Variants in ALMS1 observed in about 807,000 individuals in gnomAD.
ALMS1 encodes the protein centrosome-associated protein ALMS1.
A neutral mutation model predicts 352.2 loss-of-function variants in ALMS1; 271 were observed. The observed-to-expected ratio is 0.77, with a 90% CI of 0.70 to 0.85. ALMS1 has a LOEUF of 0.85. Among genes scored for constraint, ALMS1 ranks in the 40% least tolerant of loss-of-function variants. ALMS1 has a pLI of 0.00. For synonymous variants in ALMS1, 1,865 were observed against 1,761.2 expected (o/e 1.06, Z -1.48); for missense variants, 5,445 against 4,870.7 (o/e 1.12, Z -3.51).
At chr2:73,386,767 T>C (rs1448663780) in intron 1 of ALMS1, among the ~76,000 whole-genome samples, 2 of 152,114 alleles carry the variant, frequency 1.3e-5, no homozygotes, top group Non-Finnish European at 2.9e-5. Flanking sequence ...CTCCAAACAG[T>C]CTGCAAAACT....
chr2:73,386,151 C>A lies in ALMS1; in HGVS notation c.283C>A (p.Gln95Lys), dbSNP rs750326619. The change falls in exon 1 of 23, where the codon CAG (glutamine) becomes AAG (lysine). Residue 95 changes from glutamine to lysine, a missense_variant. Coordinates refer to ENST00000613296, the MANE Select transcript of ALMS1 (RefSeq NM_001378454.1). ...GATTTTGCCTCCGCTGTCGCCCCCG[C>A]AGCACCGCTACTCGGAGGGCGAGCG... ...GRILPPLSPP[Q>K]HRYSEGERTS... 1.9e-6 allele frequency: 3 copies of A among 1,556,168 alleles called. No homozygotes were observed. The Admixed American group carries it at 5.8e-5, about 30-fold the overall frequency.
At chr2:73,413,196 G>T in intron 2 of ALMS1, among the ~76,000 whole-genome samples, 1 of 151,712 alleles carries the variant, frequency 6.6e-6, no homozygotes, top group African/African-American at 2.4e-5. Flanking sequence ...TTGAGCTTTG[G>T]GAGTTCTTCA....
chr2:73,459,115 G>T (rs1019625824), intron 9 of ALMS1: 39 of 151,812 alleles, frequency 2.6e-4, no homozygotes, highest in African/African-American at 9.4e-4. Flanking sequence ...TTTCTTTCAT[G>T]ACTGACATTT....
intron 16 of ALMS1, among the ~76,000 whole-genome samples, chr2:73,595,019 A>T (rs1195738477): frequency 1.3e-5 from 2 of 152,166 alleles, no homozygotes; most frequent in East Asian, 1.9e-4. Context: ...AACGTATGTT[A>T]TTCCTTTTGA....
intron 1 of ALMS1, among the ~76,000 whole-genome samples, chr2:73,405,865 C>G (rs1670962133): frequency 1.3e-5 from 2 of 152,034 alleles, no homozygotes; most frequent in African/African-American, 4.8e-5. Flanking sequence ...CTTGATTTTC[C>G]ACTTTTCTTT....
At chr2:73,487,476 A>T (rs1366156259) in intron 9 of ALMS1, among the ~76,000 whole-genome samples, 1 of 152,096 alleles carries the variant, frequency 6.6e-6, no homozygotes, top group East Asian at 1.9e-4. Flanking sequence ...CTTGGAAGAC[A>T]CCAGGAACCA....
At chr2:73,599,612 A>G (rs1336460600) in intron 17 of ALMS1, 91 bp downstream of exon 17, 2 of 1,452,942 alleles carry the variant, frequency 1.4e-6, no homozygotes, top group African/African-American at 1.4e-5. Flanking sequence ...AATAAAGGAC[A>G]TGAAGATAAA....
chr2:73,452,681 G>T lies in ALMS1; in HGVS notation c.6154G>T (p.Val2052Leu), dbSNP rs1432557598. The change falls in exon 8 of 23, where the codon GTA (valine) becomes TTA (leucine). Residue 2052 changes from valine (V) to leucine (L), a missense_variant. Val to Leu is a conservative substitution (Grantham distance 32). Transcript: ENST00000613296. ...TTTTCATAGTTCCTATTCTCAAACA[G>T]TAAAGCCCAATATTTTATTTCAACA... is the stretch of plus-strand genomic sequence containing the variant. ...TAFHSSYSQTVKPNILFQQQL... is the reference protein window; with the variant it reads ...TAFHSSYSQTLKPNILFQQQL... 1 of 1,613,870 alleles carries T rather than the reference G, an allele frequency of 6.2e-7. No homozygotes were observed. Among genetic ancestry groups the T allele is most frequent in the Non-Finnish European group, 8.5e-7 (1 of 1,179,986 alleles).
At chr2:73,514,654 T>G (rs1263264947) in intron 10 of ALMS1, among the ~76,000 whole-genome samples, 1 of 152,190 alleles carries the variant, frequency 6.6e-6, no homozygotes, top group Non-Finnish European at 1.5e-5. Context: ...ACACACATCC[T>G]TTAAGTGTTC....
chr2:73,432,328 C>T (rs17434013), intron 7 of ALMS1, 37 bp downstream of exon 7: 57,440 of 1,462,636 alleles, frequency 0.039, 1,362 homozygotes, highest in Non-Finnish European at 0.049. Flanking sequence ...GTCCTACTTA[C>T]GGATACCTTG....
In ALMS1 at chr2:73,482,402, C is replaced by G. The variant is rs540359605; in HGVS notation, c.7675-7232C>G. Among the ~76,000 whole-genome samples the G allele has an allele frequency of 7.9e-5, 12 of 151,172 alleles. 1 individual carries two copies. In the South Asian group the frequency reaches 2.5e-3, roughly 31 times the overall value. The stretch of plus-strand genomic sequence containing the variant: ...CATTTATTGATTTGCATATATTGAA[C>G]CAGCCTTGCATCCCAGGGATGAAGC... On this transcript the variant is annotated intron_variant, in intron 9 of 22. Coordinates refer to ENST00000613296, the MANE Select transcript of ALMS1 (RefSeq NM_001378454.1).
chr2:73,573,766 T>A (rs1010437969), intron 16 of ALMS1, among the ~76,000 whole-genome samples: 12 of 146,934 alleles, frequency 8.2e-5, no homozygotes, highest in South Asian at 2.1e-4. Flanking sequence ...TTTTTTTTTT[T>A]AATTCATTCC....
intron 11 of ALMS1, among the ~76,000 whole-genome samples, chr2:73,533,299 A>G (rs982816783): frequency 6.6e-6 from 1 of 152,200 alleles, no homozygotes; most frequent in African/African-American, 2.4e-5. Flanking sequence ...TTTCCTGGGA[A>G]TTGTGTTTCT....
At position 73,450,536 on chromosome 2, in the gene ALMS1, A is replaced by G; in HGVS notation, c.4009A>G (p.Thr1337Ala). ...TTTACCCTCTACTTTCTACTCACAC[A>G]CAGAGAAGCCTGGTGTTTTCTACCA... The part of the protein sequence containing the change: ...PILPSTFYSH[T>A]EKPGVFYQQV... Residue 1337 changes from threonine to alanine, a missense_variant, in exon 8 of 23, where the codon ACA (threonine) becomes GCA (alanine). By Grantham distance (58) the Thr-to-Ala change is moderately conservative. Coordinates refer to ENST00000613296, the MANE Select transcript of ALMS1 (RefSeq NM_001378454.1). 1 of 1,612,362 alleles carries G rather than the reference A, an allele frequency of 6.2e-7. No homozygotes were observed. Among genetic ancestry groups the G allele is most frequent in the South Asian group, 1.1e-5 (1 of 90,996 alleles).
chr2:73,429,552 G>A (rs991155158), intron 6 of ALMS1, among the ~76,000 whole-genome samples: 5 of 151,938 alleles, frequency 3.3e-5, no homozygotes, highest in Admixed American at 1.3e-4. Context: ...CAAAGTGCTG[G>A]GGTTACAGGC....
chr2:73,484,330 T>C (rs1188828628), intron 9 of ALMS1, among the ~76,000 whole-genome samples: 5 of 151,204 alleles, frequency 3.3e-5, no homozygotes, highest in African/African-American at 7.3e-5. Context: ...CCTTCACTTA[T>C]GAAGCTTAGT....
chr2:73,491,854 G>T (rs1672995819), intron 10 of ALMS1, among the ~76,000 whole-genome samples: 1 of 152,110 alleles, frequency 6.6e-6, no homozygotes, highest in Non-Finnish European at 1.5e-5. Context: ...ACATACATGG[G>T]TGCTTGGTCA....
In ALMS1 at chr2:73,491,287, G is replaced by T; in HGVS notation, c.9328G>T (p.Asp3110Tyr). 1.2e-6 allele frequency: 2 copies of T among 1,614,138 alleles called. No individual in the cohort carries two copies. Among genetic ancestry groups the T allele is most frequent in the Non-Finnish European group, 1.7e-6 (2 of 1,180,014 alleles). The change falls in exon 10 of 23, where the codon GAT (aspartate) becomes TAT (tyrosine). Residue 3110 changes from aspartate (D) to tyrosine (Y), a missense_variant. Physicochemically the swap from Asp to Tyr is radical, Grantham distance 160 (BLOSUM62 -3). Transcript: ENST00000613296. ...KLLTSKPVAQ[D>Y]QESLGFLGPK... ...ATTGACCAGTAAACCTGTAGCACAG[G>T]ATCAAGAATCTTTAGGTTTTCTAGG...
chr2:73,425,009 CAA>C, intron 5 of ALMS1, 107 bp downstream of exon 5: 1 of 950,660 alleles, frequency 1.1e-6, no homozygotes, highest in Non-Finnish European at 1.5e-6. Context: ...TGCCATGGAA[CAA>C]AGAGGGAACT....
Sources: gnomAD v4.1 joint callset for allele counts (sites outside exome capture counted in the v4.1 genomes callset) on GRCh38, gnomAD v4.1.1 for gene constraint, MANE v1.5 for transcripts, NCBI Gene and HGNC (gene_info 2026-07-23, HGNC 2026-07-21) for gene names.